The following HDAC4 variants were observed in gnomAD, a reference collection of about 807,000 sequenced individuals.
HDAC4 encodes histone deacetylase 4, also known as histone deacetylase A.
A neutral mutation model predicts 135.1 loss-of-function variants in HDAC4; 16 were observed. That is an observed-to-expected ratio of 0.12 (90% CI 0.08 to 0.18). The LOEUF is 0.18. Ranked by LOEUF, HDAC4 falls within the 10% of genes least tolerant of loss-of-function variation. The pLI is 1.00. For synonymous variants in HDAC4, 685 were observed against 653.4 expected, an observed-to-expected ratio of 1.05 and a Z score of -0.74; for missense variants, 1,143 against 1,511.8, an observed-to-expected ratio of 0.76 and a Z score of 4.05.
At chr2:239,076,558 C>T (rs951980274) in intron 22 of HDAC4, among the ~76,000 whole-genome samples, 10 of 152,190 alleles carry the variant, frequency 6.6e-5, no homozygotes, top group Non-Finnish European at 1.2e-4. Context: ...CAGAGCAAAC[C>T]GAGCTTATGG....
intron 3 of HDAC4, among the ~76,000 whole-genome samples, chr2:239,202,310 A>G (rs1273271115): frequency 6.6e-6 from 1 of 152,230 alleles, no homozygotes; most frequent in East Asian, 1.9e-4. Flanking sequence ...AGGTTGTCTC[A>G]CAGGACACTC....
intron 11 of HDAC4, among the ~76,000 whole-genome samples, chr2:239,131,754 T>C (rs939235308): frequency 1.3e-5 from 2 of 152,156 alleles, no homozygotes; most frequent in Admixed American, 6.5e-5. Context: ...TCTGTGACAA[T>C]GAGAACATTC....
intron 3 of HDAC4, among the ~76,000 whole-genome samples, chr2:239,212,206 C>A (rs1170277779): frequency 6.6e-6 from 1 of 152,004 alleles, no homozygotes; most frequent in African/African-American, 2.4e-5. Context: ...TTCTTAGGAG[C>A]CAAAATCATC....
chr2:239,360,471 A>G (rs1466363590), intron 1 of HDAC4, among the ~76,000 whole-genome samples: 2 of 152,170 alleles, frequency 1.3e-5, no homozygotes, highest in Non-Finnish European at 2.9e-5. Context: ...CAGGACCCCA[A>G]GCTGTTCTGG....
At chr2:239,279,355 C>G (rs1373351030) in intron 2 of HDAC4, among the ~76,000 whole-genome samples, 1 of 152,232 alleles carries the variant, frequency 6.6e-6, no homozygotes, top group Admixed American at 6.5e-5. Context: ...TAAATTCACA[C>G]TTGATCCCCT....
intron 17 of HDAC4, 110 bp downstream of exon 17, chr2:239,094,900 A>G (rs749747120): frequency 9.4e-5 from 151 of 1,602,076 alleles, no homozygotes; most frequent in Non-Finnish European, 1.3e-4. Flanking sequence ...TGCGTATGGA[A>G]AACACCTGGC....
At chr2:239,121,000 CTT>C (rs34226161) in intron 12 of HDAC4, among the ~76,000 whole-genome samples, 61,297 of 144,648 alleles carry the variant, frequency 0.42, 13,945 homozygotes, top group South Asian at 0.66. Flanking sequence ...CTTTAAATTT[CTT>C]TTTTTTTTTT....
chr2:239,060,666 A>ATC (rs1264383652), intron 24 of HDAC4, among the ~76,000 whole-genome samples: 1 of 152,238 alleles, frequency 6.6e-6, no homozygotes, highest in East Asian at 1.9e-4. Context: ...GCTTGATGTT[A>ATC]TCTCCTAAAG....
chr2:239,069,604 G>GAGCATTGCTGTT (rs2033940307), intron 22 of HDAC4, among the ~76,000 whole-genome samples: 1 of 75,094 alleles, frequency 1.3e-5, no homozygotes. Context: ...GTGAGAGTGA[G>GAGCATTGCTGTT]TCACAGTGCA....
chr2:239,380,154 A>T lies in HDAC4; in HGVS notation c.-220+20824T>A, dbSNP rs2126052382. Among the ~76,000 whole-genome samples, 2 of 152,372 alleles carry T rather than the reference A, an allele frequency of 1.3e-5. 1 individual carries two copies. The highest frequency in any genetic ancestry group is 4.1e-4 in the South Asian group (2 of 4,832). On this transcript the variant is annotated intron_variant, in intron 1 of 26. Transcript: ENST00000543185. ...AGGCTCGATTCATTCAGAGAAAGAA[A>T]ACAGCACAATCAGTTCTGGAGATCT...
Position 239,068,444 on chromosome 2 carries a change from G to T in HDAC4, c.2869+45C>A. 1 of 1,350,476 alleles carries T rather than the reference G, an allele frequency of 7.4e-7. No homozygotes were observed. The highest frequency in any genetic ancestry group is 1.1e-6 in the Non-Finnish European group (1 of 939,624). The allele number at this position is 1,350,476 out of a possible 1,614,324, so 83.7% of individuals were successfully genotyped here. A position where few individuals can be genotyped will look rare whatever the true frequency, so the allele number is the denominator to read the frequency against. On this transcript the variant is annotated intron_variant, in intron 23 of 26. Coordinates refer to ENST00000543185, the MANE Select transcript of HDAC4 (RefSeq NM_001378414.1). The surrounding 1 kb of genome is among the most constrained non-coding windows in gnomAD (Gnocchi z 4.4). Reference sequence around the variant, plus strand: ...GACACGCGGAACACAGCGGATCATGGACATGAGCAGAACCGGCTCCTCAGT... The same window carrying T: ...GACACGCGGAACACAGCGGATCATGTACATGAGCAGAACCGGCTCCTCAGT...
At chr2:239,273,056 C>T (rs1040137157) in intron 2 of HDAC4, among the ~76,000 whole-genome samples, 3 of 152,172 alleles carry the variant, frequency 2.0e-5, no homozygotes, top group Admixed American at 2.0e-4. Flanking sequence ...CCTAGAAATA[C>T]ACCACCTTAG....
At chr2:239,287,001 C>G (rs755203951) in intron 2 of HDAC4, among the ~76,000 whole-genome samples, 22 of 152,156 alleles carry the variant, frequency 1.4e-4, no homozygotes, top group Admixed American at 5.2e-4. Context: ...AGGAGAGTGT[C>G]TGATGCAAGC....
At chr2:239,199,853 C>T (rs990197587) in intron 3 of HDAC4, among the ~76,000 whole-genome samples, 7 of 152,188 alleles carry the variant, frequency 4.6e-5, no homozygotes, top group Admixed American at 4.6e-4. Context: ...CCTGCCTCAG[C>T]CTTCCGAGTA....
At chr2:239,359,802 A>G (rs989619409) in intron 1 of HDAC4, among the ~76,000 whole-genome samples, 1 of 152,178 alleles carries the variant, frequency 6.6e-6, no homozygotes, top group Non-Finnish European at 1.5e-5. Context: ...GGGAATCTGT[A>G]GACGAGTGGA....
rs553355045 is a variant in HDAC4, at chr2:239,391,313, G to T, written c.-220+9665C>A. Among the ~76,000 whole-genome samples, 4 of 152,368 alleles carry T rather than the reference G, an allele frequency of 2.6e-5. No homozygotes were observed. In the South Asian group the frequency reaches 6.2e-4, roughly 24 times the overall value. On this transcript the variant is annotated intron_variant, in intron 1 of 26. Coordinates refer to ENST00000543185, the MANE Select transcript of HDAC4 (RefSeq NM_001378414.1). ...CACAGTCCCTGCAAGGACAAAGGCA[G>T]ACGAGAGCTTGTTCTCAAACTGTAC...
chr2:239,077,634 T>G (rs1024492161), intron 22 of HDAC4, among the ~76,000 whole-genome samples: 1 of 152,246 alleles, frequency 6.6e-6, no homozygotes, highest in Non-Finnish European at 1.5e-5. Context: ...CATAATTGCT[T>G]TTAGAAAAGA....
chr2:239,061,773 A>G (rs1368098672), intron 24 of HDAC4, among the ~76,000 whole-genome samples: 1 of 152,234 alleles, frequency 6.6e-6, no homozygotes, highest in Non-Finnish European at 1.5e-5. Context: ...CTAATAAGCT[A>G]AACTCCCGGG....
intron 6 of HDAC4, among the ~76,000 whole-genome samples, chr2:239,157,118 C>T (rs1010041913): frequency 6.6e-6 from 1 of 152,246 alleles, no homozygotes; most frequent in Non-Finnish European, 1.5e-5. Flanking sequence ...CCACTGGCCA[C>T]TCAGAGAGCC....
Sources: allele counts gnomAD v4.1 joint callset (sites outside exome capture counted in the v4.1 genomes callset), GRCh38; gene constraint gnomAD v4.1.1; non-coding constraint Gnocchi (gnomAD v3.1); transcripts MANE v1.5; gene names NCBI Gene and HGNC (gene_info 2026-07-23, HGNC 2026-07-21).